Variants in LMO3 observed in about 807,000 individuals in gnomAD.
LMO3 encodes the protein LIM domain only protein 3.
LMO3 carries 2 observed loss-of-function variants against 15.8 expected under a neutral mutation model. That is an observed-to-expected ratio of 0.13 (90% CI 0.05 to 0.40). LMO3 has a LOEUF of 0.40. Ranked by LOEUF, LMO3 falls within the 10% of genes least tolerant of loss-of-function variation. The probability of loss-of-function intolerance (pLI) is 0.99; values close to 1 mark genes in which losing one functional copy is unlikely to be tolerated. For synonymous variants in LMO3, 62 were observed against 63.8 expected, an observed-to-expected ratio of 0.97 and a Z score of 0.13; for missense variants, 86 against 182.2, an observed-to-expected ratio of 0.47 and a Z score of 3.04.
Position 16,560,776 on chromosome 12 carries a change from G to A in LMO3, c.207-238C>T, listed in dbSNP as rs760069943. ...AGAAAAGGAAAAGACAAATACATTA[G>A]GAAGCTTACGTAACTGCACATAAAC... On this transcript the variant is annotated intron_variant, in intron 2 of 3. Coordinates refer to ENST00000537304, the MANE Select transcript of LMO3 (RefSeq NM_018640.5). The surrounding 1 kb of genome is among the most constrained non-coding windows in gnomAD (Gnocchi z 5.0). 3.2e-5 allele frequency: 17 copies of A among 534,052 alleles called. No homozygotes were observed. Among genetic ancestry groups the A allele is most frequent in the Admixed American group, 2.1e-4 (8 of 38,828 alleles). The allele number at this position is 534,052 out of a possible 1,614,324, so 33.1% of individuals were successfully genotyped here.
At position 16,591,903 on chromosome 12, in the gene LMO3, A is replaced by G. The variant is rs1038887330; in HGVS notation, c.206+8752T>C. Among the ~76,000 whole-genome samples, 1 of 152,018 alleles carries G rather than the reference A, an allele frequency of 6.6e-6. No homozygotes were observed. Among genetic ancestry groups the G allele is most frequent in the African/African-American group, 2.4e-5 (1 of 41,402 alleles). ...GAATATTTTCTAATCTCTCCTGATC[A>G]TACCTCTTGTCATTCTCTATATTGG... On this transcript the variant is annotated intron_variant, in intron 2 of 3. Transcript: ENST00000537304. The surrounding 1 kb of genome is among the most constrained non-coding windows in gnomAD (Gnocchi z 4.1).
rs2137685304 is a variant in LMO3 at position 16,598,507 on chromosome 12, T to G, written c.206+2148A>C. Reference sequence around the variant, plus strand: ...ATATATTGGCAATCAGGACCAGGGTTTATATTTGAAAGAATATTATATACT... The same window carrying G: ...ATATATTGGCAATCAGGACCAGGGTGTATATTTGAAAGAATATTATATACT... On this transcript the variant is annotated intron_variant, in intron 2 of 3. Coordinates refer to ENST00000537304, the MANE Select transcript of LMO3 (RefSeq NM_018640.5). This position sits in a 1 kb window ranked among gnomAD's most constrained non-coding sequence, Gnocchi z 4.3. 1 of 152,230 alleles carries G rather than the reference T, an allele frequency of 6.6e-6. No individual in the cohort carries two copies. The highest frequency in any genetic ancestry group is 2.4e-5 in the African/African-American group (1 of 41,534). 9.4% of individuals were successfully genotyped at this position (152,230 alleles called of 1,614,324 possible). A position where few individuals can be genotyped will look rare whatever the true frequency, so the allele number is the denominator to read the frequency against.
upstream of LMO3, chr12:16,606,163 G>GAAAAAAAAAAAAAAAAAA (rs66532730): frequency 6.9e-6 from 1 of 145,680 alleles, no homozygotes; most frequent in Non-Finnish European, 1.5e-5. Flanking sequence ...AGCATTGTTT[G>GAAAAAAAAAAAAAAAAAA]AAAAAAAAAA....
rs1449178244 is a variant in LMO3, at chr12:16,603,382, G to C, written c.-8-2514C>G. 6.6e-6 allele frequency among the ~76,000 whole-genome samples: 1 copy of C among 152,142 alleles called. No individual in the cohort carries two copies. Among genetic ancestry groups the C allele is most frequent in the Non-Finnish European group, 1.5e-5 (1 of 68,020 alleles). The stretch of plus-strand genomic sequence containing the variant: ...ACTATTTTGTAGTCACCATGTTACC[G>C]TGTACTTAAAAGGCATAAAGCAGTC... On this transcript the variant is annotated intron_variant, in intron 1 of 3. Coordinates refer to ENST00000537304, the MANE Select transcript of LMO3 (RefSeq NM_018640.5). This position sits in a 1 kb window ranked among gnomAD's most constrained non-coding sequence, Gnocchi z 4.9.
In LMO3 at chr12:16,599,907, G is replaced by A. The variant is rs1943767840; in HGVS notation, c.206+748C>T. ...CTATAATGATGGAGGTCTTTACTTTGTTATTATCCATAAAACTACTGGCAA... is the reference window on the plus strand; with the variant it reads ...CTATAATGATGGAGGTCTTTACTTTATTATTATCCATAAAACTACTGGCAA... On this transcript the variant is annotated intron_variant, in intron 2 of 3. Coordinates refer to ENST00000537304, the MANE Select transcript of LMO3 (RefSeq NM_018640.5). The surrounding 1 kb of genome is among the most constrained non-coding windows in gnomAD (Gnocchi z 4.1). The A allele has an allele frequency of 6.6e-6, 1 of 152,056 alleles. No individual in the cohort carries two copies. Among genetic ancestry groups the A allele is most frequent in the African/African-American group, 2.4e-5 (1 of 41,412 alleles). 9.4% of individuals were successfully genotyped at this position (152,056 alleles called of 1,614,324 possible). A position where few individuals can be genotyped will look rare whatever the true frequency, so the allele number is the denominator to read the frequency against.
chr12:16,570,601 C>T (rs554237031), intron 2 of LMO3, among the ~76,000 whole-genome samples: 1 of 152,138 alleles, frequency 6.6e-6, no homozygotes, highest in Non-Finnish European at 1.5e-5. Context: ...GTGTCAATTT[C>T]ACCATCTTTC....
chr12:16,582,046 A>G lies in LMO3; in HGVS notation c.206+18609T>C, dbSNP rs952172798. 1.2e-4 allele frequency among the ~76,000 whole-genome samples: 18 copies of G among 152,178 alleles called. No homozygotes were observed. Among genetic ancestry groups the G allele is most frequent in the African/African-American group, 1.7e-4 (7 of 41,458 alleles). On this transcript the variant is annotated intron_variant, in intron 2 of 3. Transcript: ENST00000537304. This position sits in a 1 kb window ranked among gnomAD's most constrained non-coding sequence, Gnocchi z 4.1. ...TAAAACATTAAATATGAGGGACAATAATGAGTATCCCTGGCTTTTTCTTGG... is the reference window on the plus strand; with the variant it reads ...TAAAACATTAAATATGAGGGACAATGATGAGTATCCCTGGCTTTTTCTTGG...
At chr12:16,553,632 A>G (rs1487724214) in intron 3 of LMO3, among the ~76,000 whole-genome samples, 3 of 152,174 alleles carry the variant, frequency 2.0e-5, no homozygotes, top group African/African-American at 4.8e-5. Context: ...ACACTTGCAC[A>G]TATGACTCAA....
chr12:16,605,759 G>C (rs1026455136), intron 1 of LMO3: 1 of 1,534,758 alleles, frequency 6.5e-7, no homozygotes, highest in Non-Finnish European at 8.7e-7. Context: ...TTATCCACTC[G>C]AGTCGTACTT....
chr12:16,568,782 C>T (rs1942706912), intron 2 of LMO3, among the ~76,000 whole-genome samples: 2 of 152,134 alleles, frequency 1.3e-5, no homozygotes, highest in Non-Finnish European at 2.9e-5. Context: ...TTCTATTGGA[C>T]AGTGCTGGTC....
intron 2 of LMO3, among the ~76,000 whole-genome samples, chr12:16,564,934 T>TATCA (rs1258992216): frequency 2.0e-5 from 3 of 152,060 alleles, no homozygotes; most frequent in Non-Finnish European, 4.4e-5. Context: ...CACAAGTGCA[T>TATCA]ATCAACAGAC....
At chr12:16,573,828 C>T (rs1319312188) in intron 2 of LMO3, 2 of 152,106 alleles carry the variant, frequency 1.3e-5, no homozygotes, top group Admixed American at 6.5e-5. Context: ...CGTTAAGTGT[C>T]GAAATCAAGC....
At position 16,605,665 on chromosome 12, in the gene LMO3, T is replaced by C. The variant is rs1039204538; in HGVS notation, c.-9+401A>G. On this transcript the variant is annotated intron_variant, in intron 1 of 3. Coordinates refer to ENST00000537304, the MANE Select transcript of LMO3 (RefSeq NM_018640.5). ...TTTCCTATGGGCTGGGAGCAAACAC[T>C]TCCTAATTCCAAACTCTCCCTGCCC... The C allele has an allele frequency of 2.7e-5, 31 of 1,165,858 alleles. No individual in the cohort carries two copies. In the African/African-American group the frequency reaches 4.1e-4, roughly 16 times the overall value. 72.2% of individuals were successfully genotyped at this position (1,165,858 alleles called of 1,614,324 possible).
At position 16,606,101 on chromosome 12, in the gene LMO3, G is replaced by T; in HGVS notation, c.-44C>A. On this transcript the variant is annotated 5_prime_UTR_variant, in exon 1 of 4. In the 5' UTR this introduces an upstream ATG that the reference lacks. Coordinates refer to ENST00000537304, the MANE Select transcript of LMO3 (RefSeq NM_018640.5). ...AAGCGATACAGGGGGAGGCCGTTCA[G>T]TAAGCACAGTGGCTGCTTTGTAGCG... 1 of 297,056 alleles carries T rather than the reference G, an allele frequency of 3.4e-6. No individual in the cohort carries two copies. Among genetic ancestry groups the T allele is most frequent in the Non-Finnish European group, 6.3e-6 (1 of 158,944 alleles). 18.4% of individuals were successfully genotyped at this position (297,056 alleles called of 1,614,324 possible). A position where few individuals can be genotyped will look rare whatever the true frequency, so the allele number is the denominator to read the frequency against.
At chr12:16,601,624 G>A (rs1002064337) in intron 1 of LMO3, among the ~76,000 whole-genome samples, 3 of 151,848 alleles carry the variant, frequency 2.0e-5, no homozygotes, top group African/African-American at 4.8e-5. Flanking sequence ...CCATAAACAT[G>A]CAATTATTTG....
At position 16,589,771 on chromosome 12, in the gene LMO3, TC is replaced by T. The variant is rs1230181608; in HGVS notation, c.206+10883del. Among the ~76,000 whole-genome samples, 2 of 152,058 alleles carry T rather than the reference TC, an allele frequency of 1.3e-5. No homozygotes were observed. The highest frequency in any genetic ancestry group is 4.8e-5 in the African/African-American group (2 of 41,410). On this transcript the variant is annotated intron_variant, in intron 2 of 3. Transcript: ENST00000537304. This position sits in a 1 kb window ranked among gnomAD's most constrained non-coding sequence, Gnocchi z 4.2. Reference sequence around the variant, plus strand: ...TCACCAAGTGATTAGGAATATAGGTTCCTCAACTCAATCTGGACAAGAAAAG... The same window carrying T: ...TCACCAAGTGATTAGGAATATAGGTTCTCAACTCAATCTGGACAAGAAAAG...
chr12:16,583,125 A>G (rs1943217614), intron 2 of LMO3, among the ~76,000 whole-genome samples: 1 of 151,972 alleles, frequency 6.6e-6, no homozygotes, highest in African/African-American at 2.4e-5. Flanking sequence ...AGAATAAATG[A>G]TCAACACTAT....
Position 16,597,435 on chromosome 12 carries a change from C to CAAAT in LMO3, c.206+3219_206+3220insATTT, listed in dbSNP as rs1943693907. Among the ~76,000 whole-genome samples, 1 of 151,672 alleles carries CAAAT rather than the reference C, an allele frequency of 6.6e-6. No individual in the cohort carries two copies. Among genetic ancestry groups the CAAAT allele is most frequent in the Admixed American group, 6.6e-5 (1 of 15,202 alleles). On this transcript the variant is annotated intron_variant, in intron 2 of 3. Coordinates refer to ENST00000537304, the MANE Select transcript of LMO3 (RefSeq NM_018640.5). The surrounding 1 kb of genome is among the most constrained non-coding windows in gnomAD (Gnocchi z 5.0). Reference sequence around the variant, plus strand: ...AAATCACATCATCATTATCACTACTCAAAGTAACACAAGTAAAACACAGAT... The same window carrying CAAAT: ...AAATCACATCATCATTATCACTACTCAAATAAAGTAACACAAGTAAAACACAGAT...
At chr12:16,579,266 A>C (rs957989374) in intron 2 of LMO3, among the ~76,000 whole-genome samples, 4 of 152,258 alleles carry the variant, frequency 2.6e-5, no homozygotes, top group African/African-American at 9.6e-5. Context: ...TTAGGAAACC[A>C]AGAACAAGAA....
Sources: gnomAD v4.1 joint callset for allele counts (sites outside exome capture counted in the v4.1 genomes callset) on GRCh38, gnomAD v4.1.1 for gene constraint, Gnocchi (gnomAD v3.1) non-coding constraint, MANE v1.5 for transcripts, NCBI Gene and HGNC (gene_info 2026-07-23, HGNC 2026-07-21) for gene names.